The following DCLK2 variants were observed in gnomAD, a reference collection of about 807,000 sequenced individuals.
DCLK2 encodes doublecortin like kinase 2.
DCLK2 carries 31 observed loss-of-function variants against 78.4 expected under a neutral mutation model. The observed-to-expected ratio is 0.40, with a 90% CI of 0.30 to 0.53. The LOEUF is 0.53. Ranked by LOEUF, DCLK2 falls within the 20% of genes least tolerant of loss-of-function variation. DCLK2 has a pLI of 0.61. For missense variants in DCLK2, 872 were observed against 973.7 expected (o/e 0.90, Z 1.39); for synonymous variants, 407 against 374.9 (o/e 1.09, Z -0.99).
rs561133474 is a variant in DCLK2 at position 150,252,397 on chromosome 4, G to A, written c.2073+2713G>A. 4.6e-5 allele frequency among the ~76,000 whole-genome samples: 7 copies of A among 152,334 alleles called. No individual in the cohort carries two copies. In the South Asian group the frequency reaches 1.0e-3, roughly 23 times the overall value. On this transcript the variant is annotated intron_variant, in intron 15 of 15. Transcript: ENST00000296550. ...CTTCTGAGAGGAAGAACCTTTAACC[G>A]CCCTGTGCCCAGGGCTTAGGAGAGT... is the stretch of plus-strand genomic sequence containing the variant.
At chr4:150,218,056 G>GCTCT (rs374063768) in intron 5 of DCLK2, among the ~76,000 whole-genome samples, 14 of 149,310 alleles carry the variant, frequency 9.4e-5, no homozygotes, top group African/African-American at 2.5e-5. Context: ...TCTCACTCTC[G>GCTCT]CTCTCTCTCT....
At chr4:150,088,548 C>G (rs1382321713) in intron 1 of DCLK2, among the ~76,000 whole-genome samples, 1 of 152,074 alleles carries the variant, frequency 6.6e-6, no homozygotes, top group African/African-American at 2.4e-5. Context: ...TAGCAGTCCT[C>G]TCGCCTCAGT....
chr4:150,182,113 T>A (rs1405680832), intron 2 of DCLK2, among the ~76,000 whole-genome samples: 3 of 152,032 alleles, frequency 2.0e-5, no homozygotes, highest in Admixed American at 2.0e-4. Flanking sequence ...TGTGGCACCA[T>A]CTCGGTTCGC....
intron 1 of DCLK2, among the ~76,000 whole-genome samples, chr4:150,081,496 TAACA>T (rs1460659415): frequency 6.6e-6 from 1 of 151,502 alleles, no homozygotes; most frequent in African/African-American, 2.4e-5. Flanking sequence ...ATAAATAATA[TAACA>T]AATAGTTGCA....
intron 4 of DCLK2, among the ~76,000 whole-genome samples, chr4:150,202,957 G>A (rs1302850146): frequency 6.6e-6 from 1 of 151,972 alleles, no homozygotes; most frequent in African/African-American, 2.4e-5. Flanking sequence ...CTAGGGGAGA[G>A]GTTTCAAAGT....
intron 2 of DCLK2, among the ~76,000 whole-genome samples, chr4:150,138,799 G>C (rs946120531): frequency 6.6e-6 from 1 of 151,778 alleles, no homozygotes; most frequent in African/African-American, 2.4e-5. Flanking sequence ...CCTGAGTAGC[G>C]GGACTACAGG....
intron 2 of DCLK2, among the ~76,000 whole-genome samples, chr4:150,138,210 G>A (rs1258655719): frequency 6.6e-6 from 1 of 152,192 alleles, no homozygotes; most frequent in Non-Finnish European, 1.5e-5. Flanking sequence ...TAAGCTCTTG[G>A]GCTTTGCAAC....
intron 2 of DCLK2, among the ~76,000 whole-genome samples, chr4:150,182,203 C>T (rs955537171): frequency 5.3e-5 from 8 of 151,994 alleles, no homozygotes; most frequent in Non-Finnish European, 1.0e-4. Context: ...TGCATCACCA[C>T]GCCCAGCTAA....
At chr4:150,168,757 G>A (rs749120525) in intron 2 of DCLK2, among the ~76,000 whole-genome samples, 5 of 152,168 alleles carry the variant, frequency 3.3e-5, no homozygotes, top group East Asian at 3.9e-4. Context: ...TTAGCATTGC[G>A]TGTATTTTCC....
chr4:150,150,543 G>A (rs1358793515), intron 2 of DCLK2, among the ~76,000 whole-genome samples: 5 of 152,186 alleles, frequency 3.3e-5, no homozygotes, highest in Non-Finnish European at 7.3e-5. Context: ...ATTTAGCACT[G>A]TGTCACAGAG....
intron 2 of DCLK2, among the ~76,000 whole-genome samples, chr4:150,151,350 G>C (rs1734881348): frequency 6.6e-6 from 1 of 152,188 alleles, no homozygotes; most frequent in African/African-American, 2.4e-5. Flanking sequence ...CCATGGAAGA[G>C]TGAAATCTTC....
intron 2 of DCLK2, among the ~76,000 whole-genome samples, chr4:150,142,055 T>C (rs1277027767): frequency 6.6e-6 from 1 of 152,240 alleles, no homozygotes; most frequent in Admixed American, 6.5e-5. Flanking sequence ...GTATTTATTT[T>C]AGATCATGAA....
chr4:150,161,050 CA>C (rs1426772752), intron 2 of DCLK2, among the ~76,000 whole-genome samples: 11 of 151,876 alleles, frequency 7.2e-5, no homozygotes, highest in Admixed American at 7.2e-4. Context: ...AAAGAAATGA[CA>C]AAAAGGAGTG....
At chr4:150,220,627 T>A in intron 5 of DCLK2, 76 bp from the exon 6 acceptor site, 1 of 1,232,614 alleles carries the variant, frequency 8.1e-7, no homozygotes, top group South Asian at 1.3e-5. Context: ...TCTGTAAGCA[T>A]TTTGTGTGTC....
At chr4:150,103,080 A>G (rs1387869834) in intron 2 of DCLK2, among the ~76,000 whole-genome samples, 1 of 147,340 alleles carries the variant, frequency 6.8e-6, no homozygotes, top group Non-Finnish European at 1.5e-5. Flanking sequence ...AGGAAAATGT[A>G]AATTTCTGAG....
intron 1 of DCLK2, among the ~76,000 whole-genome samples, chr4:150,085,127 T>C (rs562039449): frequency 6.6e-6 from 1 of 152,256 alleles, no homozygotes; most frequent in Non-Finnish European, 1.5e-5. Flanking sequence ...ATGTAAGAGG[T>C]AGAGCTGGCA....
At chr4:150,154,055 G>T (rs11735949) in intron 2 of DCLK2, among the ~76,000 whole-genome samples, 1 of 152,018 alleles carries the variant, frequency 6.6e-6, no homozygotes, top group East Asian at 1.9e-4. Flanking sequence ...TGATCAAAGG[G>T]TGTCCTAGTT....
intron 2 of DCLK2, among the ~76,000 whole-genome samples, chr4:150,168,382 G>C (rs562593668): frequency 6.7e-6 from 1 of 150,194 alleles, no homozygotes. Context: ...AGGTCAAACT[G>C]TGCACTTGAT....
chr4:150,247,527 C>A, intron 12 of DCLK2, 76 bp from the exon 13 acceptor site: 2 of 1,304,878 alleles, frequency 1.5e-6, no homozygotes, highest in South Asian at 1.3e-5. Flanking sequence ...CCTTTCCCCG[C>A]TCTTCCTGTG....
Sources: gnomAD v4.1 joint callset for allele counts (sites outside exome capture counted in the v4.1 genomes callset) on GRCh38, gnomAD v4.1.1 for gene constraint, MANE v1.5 for transcripts, NCBI Gene and HGNC (gene_info 2026-07-23, HGNC 2026-07-21) for gene names.